Variants in GRIPAP1 observed in about 807,000 individuals in gnomAD.
GRIPAP1 encodes GRIP1 associated protein 1, also known as GRIP1-associated protein 1.
A neutral mutation model predicts 84.1 loss-of-function variants in GRIPAP1; 14 were observed. The ratio of observed to expected loss-of-function variants is 0.17; its 90% CI spans 0.11 to 0.26. The LOEUF is 0.26. Ranked by LOEUF, GRIPAP1 falls within the 10% of genes least tolerant of loss-of-function variation. The pLI, the probability that GRIPAP1 is intolerant of heterozygous loss-of-function variation, is 1.00. For missense variants in GRIPAP1, 518 were observed against 674.2 expected (o/e 0.77, Z 2.57); for synonymous variants, 261 against 256.8 (o/e 1.02, Z -0.15).
intron 19 of GRIPAP1, 36 bp from the exon 20 acceptor site, chrX:48,981,508 G>A: frequency 8.4e-7 from 1 of 1,192,569 alleles, no homozygotes; most frequent in Non-Finnish European, 1.1e-6. Flanking sequence ...GTAGATGCCG[G>A]AAGGGCTGCC....
intron 24 of GRIPAP1, 113 bp downstream of exon 24, chrX:48,975,905 T>C: frequency 1.7e-6 from 1 of 589,321 alleles, no homozygotes; most frequent in Non-Finnish European, 2.8e-6. Context: ...CATGGTCTTG[T>C]CAGTAGCTTC....
At chrX:48,977,583 C>T (rs1273819167) in intron 22 of GRIPAP1, 1 of 111,960 alleles carries the variant, frequency 8.9e-6, no homozygotes, top group Non-Finnish European at 1.9e-5. Context: ...CCTCAGCCTC[C>T]CAAAGTGCTA....
chrX:48,999,259 C>T lies in GRIPAP1; in HGVS notation c.150G>A (p.Lys50=), dbSNP rs1557067672. ...GTACCTTCTGAGCTTTGCTGAACTCCTTATCCAAGTAGGCGACCTTCTGTC... is the reference window on the plus strand; with the variant it reads ...GTACCTTCTGAGCTTTGCTGAACTCTTTATCCAAGTAGGCGACCTTCTGTC... ...SLRQKVAYLD[K]EFSKAQKALS... Residue 50 remains lysine, a synonymous_variant, in exon 3 of 26, where the codon AAG becomes AAA. Transcript: ENST00000376423. 9 of 1,208,536 alleles carry T rather than the reference C, an allele frequency of 7.4e-6. No individual in the cohort carries two copies. Among genetic ancestry groups the T allele is most frequent in the Non-Finnish European group, 1.0e-5 (9 of 892,730 alleles).
chrX:48,981,630 T>C lies in GRIPAP1; in HGVS notation c.1739A>G (p.Asp580Gly). The C allele has an allele frequency of 1.7e-6, 2 of 1,207,432 alleles. No homozygotes were observed. The highest frequency in any genetic ancestry group is 5.9e-5 in the East Asian group (2 of 33,824). ...DQLEQAQEER[D>G]CHLKTISSLK... Reference sequence around the variant, plus strand: ...GCTGCTAATGGTCTTCAGGTGGCAGTCCCGCTCCTCCTGGGCCTGCTCGAG... The same window carrying C: ...GCTGCTAATGGTCTTCAGGTGGCAGCCCCGCTCCTCCTGGGCCTGCTCGAG... Residue 580 changes from aspartate (D) to glycine (G), a missense_variant, in exon 19 of 26, where the codon GAC becomes GGC. Physicochemically the swap from Asp to Gly is moderately conservative, Grantham distance 94. Coordinates refer to ENST00000376423, the MANE Select transcript of GRIPAP1 (RefSeq NM_020137.5).
intron 21 of GRIPAP1, among the ~76,000 whole-genome samples, chrX:48,979,610 T>G (rs183578484): frequency 1.8e-3 from 195 of 107,547 alleles, no homozygotes; most frequent in African/African-American, 5.9e-3. Context: ...TTCCCAAGAT[T>G]ATTATTATTA....
At chrX:48,994,111 A>T (rs886253136) in intron 5 of GRIPAP1, among the ~76,000 whole-genome samples, 47 of 111,677 alleles carry the variant, frequency 4.2e-4, no homozygotes, top group Non-Finnish European at 7.7e-4. Context: ...CTCCTGGCTG[A>T]AGTACACTTC....
chrX:48,983,090 G>C lies in GRIPAP1; in HGVS notation c.1488C>G (p.Ala496=). 1 of 1,183,567 alleles carries C rather than the reference G, an allele frequency of 8.4e-7. No homozygotes were observed. Residue 496 remains alanine (A), a splice_region_variant and synonymous_variant, in exon 17 of 26, where the codon GCC becomes GCG. Coordinates refer to ENST00000376423, the MANE Select transcript of GRIPAP1 (RefSeq NM_020137.5). ...ELRGQIREEK[A]RTRELETLQQ... ...GGAGAGTCTCCAGCTCCCGTGTCCG[G>C]GCCTGGGATGGGGCAGACTGTCATG...
chrX:48,983,466 A>G (rs781832954), intron 15 of GRIPAP1, 26 bp from the exon 16 acceptor site: 5 of 1,151,319 alleles, frequency 4.3e-6, no homozygotes, highest in Non-Finnish European at 5.9e-6. Context: ...ATGGCAGTCA[A>G]CTTCCTTCCA....
intron 3 of GRIPAP1, among the ~76,000 whole-genome samples, chrX:48,998,761 T>C (rs187727683): frequency 1.2e-4 from 14 of 112,050 alleles, no homozygotes; most frequent in Non-Finnish European, 2.3e-4. Context: ...TGGCTAGATA[T>C]GGGGACAGAG....
intron 11 of GRIPAP1, among the ~76,000 whole-genome samples, chrX:48,988,918 C>T (rs1222432788): frequency 9.0e-6 from 1 of 110,873 alleles, no homozygotes; most frequent in Non-Finnish European, 1.9e-5. Context: ...GGACCTCAGA[C>T]TCACCTTTTC....
intron 4 of GRIPAP1, chrX:48,997,857 G>T: frequency 7.8e-6 from 3 of 382,504 alleles, no homozygotes; most frequent in Middle Eastern, 7.2e-4. Flanking sequence ...AGGAACAGGA[G>T]GGGGAGAGAC....
intron 16 of GRIPAP1, 61 bp from the exon 17 acceptor site, chrX:48,983,153 C>T: frequency 9.0e-7 from 1 of 1,117,157 alleles, no homozygotes; most frequent in Non-Finnish European, 1.2e-6. Context: ...TGATGCATGC[C>T]ACCCACTGGC....
chrX:48,998,747 G>A (rs2064560777), intron 3 of GRIPAP1, among the ~76,000 whole-genome samples: 1 of 112,188 alleles, frequency 8.9e-6, no homozygotes. Context: ...CATTGTGCTA[G>A]GTATGGCTAG....
intron 24 of GRIPAP1, 126 bp downstream of exon 24, chrX:48,975,892 G>T (rs2064419604): frequency 2.5e-5 from 13 of 528,199 alleles, no homozygotes; most frequent in Non-Finnish European, 4.2e-5. Flanking sequence ...CCCCTCCACA[G>T]GCCATGGTCT....
At chrX:48,993,874 C>T (rs1363852611) in intron 5 of GRIPAP1, among the ~76,000 whole-genome samples, 2 of 111,421 alleles carry the variant, frequency 1.8e-5, no homozygotes, top group African/African-American at 6.5e-5. Flanking sequence ...CAATCCAAGA[C>T]CTCAGGCTCC....
intron 25 of GRIPAP1, among the ~76,000 whole-genome samples, chrX:48,974,818 G>C (rs1381857166): frequency 9.0e-6 from 1 of 111,710 alleles, no homozygotes; most frequent in Non-Finnish European, 1.9e-5. Flanking sequence ...TTGATGAGTA[G>C]ATAAGAGAAT....
chrX:48,975,407 A>C, intron 24 of GRIPAP1, 98 bp from the exon 25 acceptor site: 1 of 862,369 alleles, frequency 1.2e-6, no homozygotes, highest in Non-Finnish European at 1.6e-6. Context: ...CCAGGGGAGA[A>C]GGCAGCAGGA....
chrX:48,999,646 C>T (rs1325445427), intron 1 of GRIPAP1, 142 bp from the exon 2 acceptor site: 7 of 454,717 alleles, frequency 1.5e-5, no homozygotes, highest in South Asian at 1.0e-4. Context: ...GTATGTGCTA[C>T]ACCCAAAGTG....
At chrX:48,982,490 C>T (rs782683563) in intron 17 of GRIPAP1, among the ~76,000 whole-genome samples, 4 of 112,611 alleles carry the variant, frequency 3.6e-5, no homozygotes, top group African/African-American at 1.3e-4. Flanking sequence ...ATTCTTCTGC[C>T]TCAGCCTCCT....
Sources: allele counts gnomAD v4.1 joint callset (sites outside exome capture counted in the v4.1 genomes callset), GRCh38; gene constraint gnomAD v4.1.1; transcripts MANE v1.5; gene names NCBI Gene and HGNC (gene_info 2026-07-23, HGNC 2026-07-21).